SLC7A14: variants seen among roughly 807,000 people sequenced by gnomAD.
The protein encoded by SLC7A14 is solute carrier family 7 member 14, also known as gamma-aminobutyric acid transporter SLC7A14.
A neutral mutation model predicts 60.2 loss-of-function variants in SLC7A14; 37 were observed. That is an observed-to-expected ratio of 0.61 (90% confidence interval 0.47 to 0.81). The LOEUF is 0.81. Ranked by LOEUF, SLC7A14 falls within the 30% of genes least tolerant of loss-of-function variation. The pLI is 0.00. For missense variants in SLC7A14, 886 were observed against 982.7 expected (o/e 0.90, Z 1.32); for synonymous variants, 399 against 395.8 (o/e 1.01, Z -0.10).
At chr3:170,497,337 T>C (rs1712438880) in intron 4 of SLC7A14, among the ~76,000 whole-genome samples, 1 of 152,204 alleles carries the variant, frequency 6.6e-6, no homozygotes, top group Admixed American at 6.5e-5. Flanking sequence ...GGATGAACTT[T>C]GTAGTTCTGT....
At chr3:170,583,790 G>T (rs185183869) in intron 1 of SLC7A14, among the ~76,000 whole-genome samples, 1 of 152,366 alleles carries the variant, frequency 6.6e-6, no homozygotes, top group African/African-American at 2.4e-5. Context: ...AGCTGAAGTT[G>T]TGTGAACAGT....
chr3:170,551,150 T>A (rs1714337983), intron 1 of SLC7A14, among the ~76,000 whole-genome samples: 4 of 152,230 alleles, frequency 2.6e-5, no homozygotes, highest in Admixed American at 2.6e-4. Context: ...ATATTATATG[T>A]GGCCTTTTGT....
At chr3:170,533,738 A>G (rs1713752251) in intron 1 of SLC7A14, among the ~76,000 whole-genome samples, 1 of 152,084 alleles carries the variant, frequency 6.6e-6, no homozygotes, top group Admixed American at 6.5e-5. Context: ...TAAATCATGC[A>G]GTGTTGGTGC....
chr3:170,577,206 A>C (rs909493711), intron 1 of SLC7A14, among the ~76,000 whole-genome samples: 7 of 152,234 alleles, frequency 4.6e-5, no homozygotes, highest in Non-Finnish European at 1.0e-4. Flanking sequence ...AAGGAAGTTC[A>C]GTCTTGAAGT....
At chr3:170,568,280 G>T (rs1218212923) in intron 1 of SLC7A14, among the ~76,000 whole-genome samples, 4 of 152,226 alleles carry the variant, frequency 2.6e-5, no homozygotes, top group African/African-American at 7.2e-5. Context: ...TTTCCCCATT[G>T]CTTGTTTTTC....
At chr3:170,538,962 C>G (rs1430003974) in intron 1 of SLC7A14, among the ~76,000 whole-genome samples, 1 of 152,256 alleles carries the variant, frequency 6.6e-6, no homozygotes, top group African/African-American at 2.4e-5. Flanking sequence ...GCCTCCTCTT[C>G]TCTGATTTCC....
At chr3:170,568,201 G>A (rs1577569092) in intron 1 of SLC7A14, among the ~76,000 whole-genome samples, 1 of 152,084 alleles carries the variant, frequency 6.6e-6, no homozygotes. Context: ...TGTAAGGAAG[G>A]GATCCAGTTT....
intron 1 of SLC7A14, among the ~76,000 whole-genome samples, chr3:170,540,351 G>A (rs1713983670): frequency 6.6e-6 from 1 of 152,082 alleles, no homozygotes; most frequent in South Asian, 2.1e-4. Flanking sequence ...GAAGTTCCAT[G>A]TAGCTCCTTG....
intron 2 of SLC7A14, among the ~76,000 whole-genome samples, chr3:170,519,418 T>C (rs1363568233): frequency 6.6e-6 from 1 of 152,188 alleles, no homozygotes; most frequent in Non-Finnish European, 1.5e-5. Flanking sequence ...TGGCCAGATG[T>C]CCAAGTTTAG....
At chr3:170,554,991 A>G (rs1410185424) in intron 1 of SLC7A14, among the ~76,000 whole-genome samples, 1 of 151,842 alleles carries the variant, frequency 6.6e-6, no homozygotes, top group Non-Finnish European at 1.5e-5. Flanking sequence ...GCATGGTGAA[A>G]CCCCATCTCT....
intron 2 of SLC7A14, among the ~76,000 whole-genome samples, chr3:170,523,808 G>C (rs184327765): frequency 2.0e-5 from 3 of 152,098 alleles, no homozygotes; most frequent in Non-Finnish European, 4.4e-5. Flanking sequence ...AACAATATGG[G>C]GATGATGATG....
At chr3:170,484,618 C>G (rs1711958547) in intron 5 of SLC7A14, among the ~76,000 whole-genome samples, 1 of 152,126 alleles carries the variant, frequency 6.6e-6, no homozygotes, top group African/African-American at 2.4e-5. Context: ...CATTTCTTTG[C>G]CTATTCCTCT....
chr3:170,551,029 T>C (rs536566439), intron 1 of SLC7A14, among the ~76,000 whole-genome samples: 1 of 152,304 alleles, frequency 6.6e-6, no homozygotes, highest in South Asian at 2.1e-4. Flanking sequence ...AAAAATCCCA[T>C]ACCCATGAGC....
intron 1 of SLC7A14, among the ~76,000 whole-genome samples, chr3:170,539,540 T>C (rs1244959058): frequency 6.6e-6 from 1 of 152,240 alleles, no homozygotes; most frequent in Non-Finnish European, 1.5e-5. Context: ...ATTTATTTAG[T>C]TTCGAGTAAT....
chr3:170,521,983 G>C (rs1713354841), intron 2 of SLC7A14, among the ~76,000 whole-genome samples: 1 of 151,924 alleles, frequency 6.6e-6, no homozygotes, highest in Non-Finnish European at 1.5e-5. Flanking sequence ...ACCAAGGAGA[G>C]CACATGGATG....
chr3:170,567,989 C>T (rs1438986810), intron 1 of SLC7A14, among the ~76,000 whole-genome samples: 1 of 151,964 alleles, frequency 6.6e-6, no homozygotes, highest in Non-Finnish European at 1.5e-5. Context: ...GTTTCTTTTG[C>T]TGTGCAGAAG....
chr3:170,477,762 A>G (rs1208089763), intron 7 of SLC7A14, among the ~76,000 whole-genome samples: 1 of 152,266 alleles, frequency 6.6e-6, no homozygotes, highest in East Asian at 1.9e-4. Context: ...TAACTGTACA[A>G]TATTTTTAAA....
Position 170,480,335 on chromosome 3 carries a change from C to A in SLC7A14, c.1947G>T (p.Lys649Asn). Residue 649 changes from lysine (K) to asparagine (N), a missense_variant, in exon 7 of 8, where the codon AAG (lysine) becomes AAT (asparagine). Coordinates refer to ENST00000231706, the MANE Select transcript of SLC7A14 (RefSeq NM_020949.3). ...AMLVNIYLML[K>N]LSTITWIRFA... ...ACCGGATCCATGTGATGGTGGAGAGCTTTAGCATGAGATAGATGTTCACCA... is the reference window on the plus strand; with the variant it reads ...ACCGGATCCATGTGATGGTGGAGAGATTTAGCATGAGATAGATGTTCACCA... 6.4e-7 allele frequency: 1 copy of A among 1,573,694 alleles called. No homozygotes were observed. The highest frequency in any genetic ancestry group is 1.2e-5 in the South Asian group (1 of 83,754).
At chr3:170,499,952 C>T (rs957894628) in intron 3 of SLC7A14, among the ~76,000 whole-genome samples, 1 of 152,176 alleles carries the variant, frequency 6.6e-6, no homozygotes, top group African/African-American at 2.4e-5. Context: ...GTACACAGAA[C>T]AGGTTTGTTC....
Sources: allele counts gnomAD v4.1 joint callset (sites outside exome capture counted in the v4.1 genomes callset), GRCh38; gene constraint gnomAD v4.1.1; transcripts MANE v1.5; gene names NCBI Gene and HGNC (gene_info 2026-07-23, HGNC 2026-07-21).